CEP128: variants seen among roughly 807,000 people sequenced by gnomAD.
CEP128 encodes centrosomal protein 128.
In CEP128, 132 loss-of-function variants were observed where a neutral mutation model predicts 156.7. The observed-to-expected ratio is 0.84, with a 90% CI of 0.73 to 0.97. The LOEUF (loss-of-function observed/expected upper bound fraction) is 0.97. Among genes scored for constraint, CEP128 ranks in the 50% least tolerant of loss-of-function variants. The pLI is 0.00. For missense variants in CEP128, 1,252 were observed against 1,281.9 expected (o/e 0.98, Z 0.36); for synonymous variants, 469 against 448.9 (o/e 1.04, Z -0.57).
chr14:80,907,803 A>G (rs189318901), intron 4 of CEP128, among the ~76,000 whole-genome samples: 1 of 152,200 alleles, frequency 6.6e-6, no homozygotes, highest in Non-Finnish European at 1.5e-5. Flanking sequence ...GTGATCACAA[A>G]GTAGTATATC....
At chr14:80,588,325 C>T (rs7145447) in intron 19 of CEP128, among the ~76,000 whole-genome samples, 66,975 of 151,738 alleles carry the variant, frequency 0.44, 16,307 homozygotes, top group African/African-American at 0.65. Flanking sequence ...ACAGACAGTA[C>T]GTACCCATGT....
intron 19 of CEP128, among the ~76,000 whole-genome samples, chr14:80,630,074 T>C (rs1176005815): frequency 1.3e-5 from 2 of 151,976 alleles, no homozygotes; most frequent in Non-Finnish European, 2.9e-5. Flanking sequence ...GATATTATCA[T>C]ATAACTGTTA....
chr14:80,602,709 T>G (rs1892629529), intron 19 of CEP128, among the ~76,000 whole-genome samples: 1 of 152,000 alleles, frequency 6.6e-6, no homozygotes, highest in African/African-American at 2.4e-5. Context: ...GAGGCAGAGG[T>G]TGCAGTGAGC....
intron 19 of CEP128, among the ~76,000 whole-genome samples, chr14:80,656,061 A>C (rs1339928639): frequency 6.6e-6 from 1 of 150,748 alleles, no homozygotes; most frequent in Non-Finnish European, 1.5e-5. Flanking sequence ...TTGCTCCTCC[A>C]CTCCCAGCAT....
chr14:80,597,028 A>C (rs1892359752), intron 19 of CEP128, among the ~76,000 whole-genome samples: 2 of 151,632 alleles, frequency 1.3e-5, no homozygotes, highest in Admixed American at 6.6e-5. Flanking sequence ...AAAAACAAAA[A>C]ACCAGCAAGC....
intron 14 of CEP128, among the ~76,000 whole-genome samples, chr14:80,789,655 A>G (rs1901599816): frequency 6.6e-6 from 1 of 152,120 alleles, no homozygotes; most frequent in Admixed American, 6.6e-5. Context: ...CAGGCAAACC[A>G]AGCTTCCAAA....
intron 20 of CEP128, among the ~76,000 whole-genome samples, chr14:80,573,413 A>G (rs748456608): frequency 2.9e-4 from 44 of 152,086 alleles, no homozygotes; most frequent in Non-Finnish European, 5.4e-4. Context: ...TTTTCATCCC[A>G]TTGGATAAAC....
At chr14:80,554,882 G>A (rs776787873) in intron 21 of CEP128, among the ~76,000 whole-genome samples, 1 of 151,130 alleles carries the variant, frequency 6.6e-6, no homozygotes, top group Admixed American at 6.6e-5. Flanking sequence ...CTTATGTTGG[G>A]TGATAAGCTC....
intron 13 of CEP128, among the ~76,000 whole-genome samples, chr14:80,805,093 G>T (rs1364206598): frequency 6.6e-6 from 1 of 151,904 alleles, no homozygotes; most frequent in African/African-American, 2.4e-5. Context: ...TCCCAAAACT[G>T]AATACTCAGC....
intron 21 of CEP128, among the ~76,000 whole-genome samples, chr14:80,550,429 T>A (rs1470957230): frequency 6.6e-6 from 1 of 152,072 alleles, no homozygotes; most frequent in Non-Finnish European, 1.5e-5. Flanking sequence ...TTGTAAAGAA[T>A]GACATTTTCA....
At chr14:80,483,405 C>T (rs906986672) in intron 14 of CEP128, among the ~76,000 whole-genome samples, 2 of 152,196 alleles carry the variant, frequency 1.3e-5, no homozygotes, top group African/African-American at 4.8e-5. Context: ...ATTTCATGCT[C>T]AGTAAATTAG....
chr14:80,705,288 G>A (rs1158812020), intron 19 of CEP128, among the ~76,000 whole-genome samples: 2 of 151,968 alleles, frequency 1.3e-5, no homozygotes, highest in African/African-American at 4.8e-5. Flanking sequence ...CCACTTGTGT[G>A]TGTGTGTGTG....
intron 20 of CEP128, among the ~76,000 whole-genome samples, chr14:80,560,709 G>C (rs1465488042): frequency 1.3e-5 from 2 of 152,024 alleles, no homozygotes; most frequent in Admixed American, 6.6e-5. Context: ...AATGTGAAAG[G>C]GGAGACTGGC....
intron 19 of CEP128, among the ~76,000 whole-genome samples, chr14:80,676,864 G>C (rs1434696177): frequency 6.6e-6 from 1 of 152,050 alleles, no homozygotes; most frequent in Non-Finnish European, 1.5e-5. Context: ...TTGCAGATCT[G>C]GGACAAAGCC....
At chr14:80,685,541 C>T (rs116433930) in intron 19 of CEP128, among the ~76,000 whole-genome samples, 11,292 of 152,014 alleles carry the variant, frequency 0.074, 580 homozygotes, top group South Asian at 0.23. Context: ...ACAGATTCAA[C>T]GTTATTCCTC....
intron 19 of CEP128, among the ~76,000 whole-genome samples, chr14:80,650,346 A>G (rs1156674260): frequency 6.6e-6 from 1 of 152,176 alleles, no homozygotes; most frequent in Non-Finnish European, 1.5e-5. Flanking sequence ...TTAATATACA[A>G]TCATGTCATC....
chr14:80,504,416 C>G (rs1337741105), intron 24 of CEP128, among the ~76,000 whole-genome samples: 1 of 152,142 alleles, frequency 6.6e-6, no homozygotes, highest in Non-Finnish European at 1.5e-5. Flanking sequence ...AGGGATAGAT[C>G]GTGGCAGATG....
intron 18 of CEP128, among the ~76,000 whole-genome samples, chr14:80,746,132 G>A (rs184902536): frequency 5.3e-5 from 8 of 152,196 alleles, no homozygotes; most frequent in East Asian, 3.9e-4. Context: ...GATTGAAAGC[G>A]AATATTATTA....
intron 13 of CEP128, among the ~76,000 whole-genome samples, chr14:80,817,407 T>A (rs995080408): frequency 1.3e-5 from 2 of 152,170 alleles, no homozygotes; most frequent in Non-Finnish European, 2.9e-5. Flanking sequence ...TGGGCCTACA[T>A]GTCAAACGTA....
Sources: allele counts gnomAD v4.1 joint callset (sites outside exome capture counted in the v4.1 genomes callset), GRCh38; gene constraint gnomAD v4.1.1; transcripts MANE v1.5; gene names NCBI Gene and HGNC (gene_info 2026-07-23, HGNC 2026-07-21).